TERB1: variants seen among roughly 807,000 people sequenced by gnomAD.
TERB1 encodes telomere repeats-binding bouquet formation protein 1.
TERB1 carries 63 observed loss-of-function variants against 92.3 expected under a neutral mutation model. That is an observed-to-expected ratio of 0.68 (90% CI 0.56 to 0.84). TERB1 has a LOEUF of 0.84. TERB1 is among the 40% of genes least tolerant of loss of function. The pLI, the probability that TERB1 is intolerant of heterozygous loss-of-function variation, is 0.00. For synonymous variants in TERB1, 252 were observed against 283.9 expected (o/e 0.89, Z 1.13); for missense variants, 709 against 843.7 (o/e 0.84, Z 1.98).
At chr16:66,788,394 T>C (rs762192027) in intron 5 of TERB1, 97 bp from the exon 6 acceptor site, 59 of 978,976 alleles carry the variant, frequency 6.0e-5, no homozygotes, top group Non-Finnish European at 7.8e-5. Flanking sequence ...TGGCGATGGT[T>C]CTTAACCAAA....
In TERB1 at chr16:66,790,948, C is replaced by G. The variant is rs759286943; in HGVS notation, c.103G>C (p.Glu35Gln). 1 of 1,549,242 alleles carries G rather than the reference C, an allele frequency of 6.5e-7. No homozygotes were observed. Among genetic ancestry groups the G allele is most frequent in the East Asian group, 2.5e-5 (1 of 40,750 alleles). ...ATTGAATGAATAGTGACCAAAGCTT[C>G]CTTTTGTGAAAAAGCATTGTCCATT... ...YQMDNAFSQK[E>Q]ALVTIHSICQ... The change falls in exon 4 of 19, where the codon GAA becomes CAA. Residue 35 changes from glutamate (E) to glutamine (Q), a missense_variant. Coordinates refer to ENST00000433154, the MANE Select transcript of TERB1 (RefSeq NM_001136505.2).
rs1216050957 is a variant in TERB1 at position 66,761,468 on chromosome 16, AG to A, written c.1781-2179del. ...CTCTGTCTCAAAAAAAAAAAAAAAA[AG>A]AAAGAAAGAAAGAAAAGAAAAGAGC... is the stretch of plus-strand genomic sequence containing the variant. On this transcript the variant is annotated intron_variant, in intron 16 of 18. Coordinates refer to ENST00000433154, the MANE Select transcript of TERB1 (RefSeq NM_001136505.2). Among the ~76,000 whole-genome samples the A allele has an allele frequency of 3.9e-3, 471 of 122,064 alleles. 4 individuals are homozygous for A. Among genetic ancestry groups the A allele is most frequent in the African/African-American group, 9.2e-3 (297 of 32,350 alleles). The allele number at this position is 122,064 out of a possible 152,430, so 80.1% of individuals were successfully genotyped here. A position where few individuals can be genotyped will look rare whatever the true frequency, so the allele number is the denominator to read the frequency against.
intron 16 of TERB1, among the ~76,000 whole-genome samples, chr16:66,766,162 C>T (rs185584120): frequency 0.013 from 1,989 of 152,060 alleles, 30 homozygotes; most frequent in Middle Eastern, 0.062. Flanking sequence ...TGAGCCACCG[C>T]GCCCGGCCGG....
Position 66,755,044 on chromosome 16 carries a change from G to C in TERB1, c.2116C>G (p.Arg706Gly). ...TTGTGAGCAAGGTCCACAGCCTTCC[G>C]TCCTTGCTGAAAGGGGAAAGACCAC... is the stretch of plus-strand genomic sequence containing the variant. The part of the protein sequence containing the change: ...ILWSFPFQQG[R>G]KAVDLAHKYH... Residue 706 changes from arginine (R) to glycine (G), a missense_variant, in exon 19 of 19, where the codon CGG (arginine) becomes GGG (glycine). Arg to Gly is a moderately radical substitution (Grantham distance 125). Transcript: ENST00000433154. The C allele has an allele frequency of 6.4e-7, 1 of 1,551,636 alleles. No individual in the cohort carries two copies. Among genetic ancestry groups the C allele is most frequent in the Non-Finnish European group, 8.7e-7 (1 of 1,146,954 alleles).
intron 16 of TERB1, among the ~76,000 whole-genome samples, chr16:66,765,849 ATTTTTTTTTTTTTT>A (rs10564947): frequency 6.4e-5 from 4 of 62,460 alleles, no homozygotes; most frequent in Non-Finnish European, 8.3e-5. Flanking sequence ...ACTATTGGGT[ATTTTTTTTTTTTTT>A]TTTTTTTTTT....
chr16:66,799,288 T>G (rs1462541121), intron 2 of TERB1, among the ~76,000 whole-genome samples: 1 of 152,104 alleles, frequency 6.6e-6, no homozygotes, highest in Non-Finnish European at 1.5e-5. Context: ...AGTGCAGTGG[T>G]GTGATCTCAG....
At chr16:66,800,053 T>C (rs538751962) in intron 2 of TERB1, 34 of 152,266 alleles carry the variant, frequency 2.2e-4, no homozygotes, top group Admixed American at 2.2e-3. Flanking sequence ...TTTACCTGAT[T>C]TAGAAAATGT....
intron 2 of TERB1, among the ~76,000 whole-genome samples, chr16:66,799,713 A>T (rs865877505): frequency 6.6e-6 from 1 of 152,336 alleles, no homozygotes. Flanking sequence ...GCTTACAAAC[A>T]CCCATAGCAA....
chr16:66,774,935 G>A (rs559652096), intron 12 of TERB1, among the ~76,000 whole-genome samples, 183 bp downstream of exon 12: 4 of 152,118 alleles, frequency 2.6e-5, no homozygotes, highest in Admixed American at 6.5e-5. Flanking sequence ...GGACTCAAGC[G>A]ATCTGACTGC....
intron 13 of TERB1, 52 bp downstream of exon 13, chr16:66,772,537 A>T: frequency 6.8e-7 from 1 of 1,465,152 alleles, no homozygotes; most frequent in Non-Finnish European, 9.2e-7. Flanking sequence ...AAAAGAAAGA[A>T]ATTTTAAAAA....
chr16:66,775,455 G>A (rs1356699923), intron 11 of TERB1, among the ~76,000 whole-genome samples: 5 of 152,110 alleles, frequency 3.3e-5, no homozygotes, highest in South Asian at 2.1e-4. Context: ...TCAACATGGT[G>A]AAACCCAGTC....
intron 18 of TERB1, among the ~76,000 whole-genome samples, chr16:66,755,922 T>C (rs2018130322): frequency 6.6e-6 from 1 of 152,180 alleles, no homozygotes; most frequent in Non-Finnish European, 1.5e-5. Context: ...AATAAGGGTC[T>C]TTTGAAATTT....
chr16:66,771,682 G>A (rs1033332369), intron 13 of TERB1, among the ~76,000 whole-genome samples: 5 of 147,522 alleles, frequency 3.4e-5, no homozygotes, highest in Non-Finnish European at 6.0e-5. Context: ...CACACACACG[G>A]GTACATGTGT....
chr16:66,757,428 T>C (rs2018155690), intron 18 of TERB1, among the ~76,000 whole-genome samples: 1 of 152,228 alleles, frequency 6.6e-6, no homozygotes, highest in Non-Finnish European at 1.5e-5. Flanking sequence ...AAACACCTAT[T>C]ATTAATTTGA....
Position 66,767,504 on chromosome 16 carries a change from A to C in TERB1, c.1691T>G (p.Phe564Cys), listed in dbSNP as rs553408736. ...ATTTATTATATCTGAACATAATGTA[A>C]ATGGATCTGAAAAAAATTGCAAAAT... ...IKQQLPVTDP[F>C]TLCSDIINKE... is the part of the protein sequence containing the mutation. Residue 564 changes from phenylalanine to cysteine, a missense_variant, in exon 16 of 19, where the codon TTT becomes TGT. Transcript: ENST00000433154. The C allele has an allele frequency of 6.9e-7, 1 of 1,444,556 alleles. No individual in the cohort carries two copies. The highest frequency in any genetic ancestry group is 2.8e-5 in the Admixed American group (1 of 36,324). The allele number at this position is 1,444,556 out of a possible 1,614,324, so 89.5% of individuals were successfully genotyped here.
chr16:66,786,325 CAAAT>C (rs2145205248), intron 6 of TERB1, 40 bp from the exon 7 acceptor site: 1 of 1,362,526 alleles, frequency 7.3e-7, no homozygotes, highest in East Asian at 2.5e-5. Flanking sequence ...GTTTTATTTA[CAAAT>C]AGTCTTGCAG....
In TERB1 at chr16:66,796,787, T is replaced by G; in HGVS notation, c.12A>C (p.Glu4Asp). 1 of 1,537,872 alleles carries G rather than the reference T, an allele frequency of 6.5e-7. No individual in the cohort carries two copies. The highest frequency in any genetic ancestry group is 8.8e-7 in the Non-Finnish European group (1 of 1,134,790). ...TCTCACCTTGTGTTTTCTTTGTGTC[T>G]TCACTTTCCATGCTTGTCTATATTC... MESEDTKKTQEMKT... is the reference protein window; with the variant it reads MESDDTKKTQEMKT... Residue 4 changes from glutamate (E) to aspartate (D), a missense_variant, in exon 3 of 19, where the codon GAA becomes GAC. Coordinates refer to ENST00000433154, the MANE Select transcript of TERB1 (RefSeq NM_001136505.2).
Position 66,786,027 on chromosome 16 carries a change from G to A in TERB1, c.564C>T (p.Asn188=), listed in dbSNP as rs2018723941. 7 of 1,546,612 alleles carry A rather than the reference G, an allele frequency of 4.5e-6. No individual in the cohort carries two copies. The highest frequency in any genetic ancestry group is 1.2e-5 in the South Asian group (1 of 82,518). The change falls in exon 8 of 19, where the codon AAC becomes AAT. Residue 188 remains asparagine (N), a synonymous_variant. Coordinates refer to ENST00000433154, the MANE Select transcript of TERB1 (RefSeq NM_001136505.2). ...ACAGATAATTACCATTTTGAGGATT[G>A]TTGACACAGACACACAGAGTACTAC... The part of the protein sequence containing the change: ...SVCSTLCVCV[N]NPQNDENQMF...
At chr16:66,790,493 TA>T (rs954879658) in intron 5 of TERB1, 101 bp downstream of exon 5, 92 of 854,282 alleles carry the variant, frequency 1.1e-4, no homozygotes, top group African/African-American at 4.0e-4. Flanking sequence ...TTCAAACATG[TA>T]AAAAAAAGGA....
Sources: gnomAD v4.1 joint callset for allele counts (sites outside exome capture counted in the v4.1 genomes callset) on GRCh38, gnomAD v4.1.1 for gene constraint, MANE v1.5 for transcripts, NCBI Gene and HGNC (gene_info 2026-07-23, HGNC 2026-07-21) for gene names.